CPSF7: variants seen among roughly 807,000 people sequenced by gnomAD.
CPSF7 encodes cleavage and polyadenylation specificity factor subunit 7.
In CPSF7, 1 loss-of-function variant was observed where a neutral mutation model predicts 44.3. The observed-to-expected ratio is 0.02, with a 90% CI of 0.01 to 0.11. CPSF7 has a LOEUF of 0.11. Among genes scored for constraint, CPSF7 ranks in the 10% least tolerant of loss-of-function variants. CPSF7 has a pLI of 1.00. For missense variants in CPSF7, 443 were observed against 607.2 expected (o/e 0.73, Z 2.84); for synonymous variants, 202 against 222.0 (o/e 0.91, Z 0.80).
intron 7 of CPSF7, among the ~76,000 whole-genome samples, chr11:61,412,257 T>C (rs949226033): frequency 8.5e-5 from 13 of 152,170 alleles, no homozygotes; most frequent in Non-Finnish European, 4.4e-5. Context: ...TTCACAAGTG[T>C]GTATGTTTAA....
rs373828067 is a variant in CPSF7, at chr11:61,419,986, C to G, written c.486G>C (p.Arg162=). 6.2e-7 allele frequency: 1 copy of G among 1,614,076 alleles called. No homozygotes were observed. The highest frequency in any genetic ancestry group is 1.3e-5 in the African/African-American group (1 of 74,930). Residue 162 remains arginine, a synonymous_variant, in exon 5 of 10, where the codon CGG becomes CGC. Coordinates refer to ENST00000439958, the MANE Select transcript of CPSF7 (RefSeq NM_001142565.3). ...GTGCCTCAAACTGTGACAGGTTCTG[C>G]CGGGTGGCCGGCCTCACGTCCACTT... ...GEKVDVRPAT[R]QNLSQFEAQA...
chr11:61,421,021 G>C (rs554026678), intron 3 of CPSF7: 25 of 1,175,736 alleles, frequency 2.1e-5, no homozygotes, highest in Non-Finnish European at 2.7e-5. Context: ...AAGTATACTA[G>C]AGTTATCAAG....
intron 7 of CPSF7, among the ~76,000 whole-genome samples, chr11:61,414,459 A>G (rs1002370766): frequency 3.9e-5 from 6 of 152,164 alleles, no homozygotes; most frequent in Non-Finnish European, 8.8e-5. Context: ...AAAAAAGACT[A>G]ATTTAGATGT....
chr11:61,419,482 C>T (rs1004821590), intron 5 of CPSF7, among the ~76,000 whole-genome samples: 4 of 152,148 alleles, frequency 2.6e-5, no homozygotes, highest in African/African-American at 9.7e-5. Context: ...TTCCAATCAA[C>T]GTTTATGAAA....
At chr11:61,422,841 G>A (rs553956568) in intron 2 of CPSF7, among the ~76,000 whole-genome samples, 1 of 152,134 alleles carries the variant, frequency 6.6e-6, no homozygotes, top group Admixed American at 6.5e-5. Context: ...TTAATGTTTA[G>A]GATTTTACAG....
Position 61,429,894 on chromosome 11 carries a change from C to T in CPSF7, c.-56+20G>A, listed in dbSNP as rs1180352663. The T allele has an allele frequency of 1.3e-6, 2 of 1,514,892 alleles. No individual in the cohort carries two copies. The highest frequency in any genetic ancestry group is 1.8e-6 in the Non-Finnish European group (2 of 1,129,534). The allele number at this position is 1,514,892 out of a possible 1,614,324, so 93.8% of individuals were successfully genotyped here. ...CCCCTCTTCCGGCCCAACCTGCCCC[C>T]GACCGCGCGCCCCCGTTACCGGGAA... On this transcript the variant is annotated intron_variant, in intron 1 of 9. Coordinates refer to ENST00000439958, the MANE Select transcript of CPSF7 (RefSeq NM_001142565.3).
intron 5 of CPSF7, 127 bp from the exon 6 acceptor site, chr11:61,416,646 T>C: frequency 1.1e-6 from 1 of 946,950 alleles, no homozygotes; most frequent in South Asian, 1.6e-5. Context: ...GAAGGTAAAA[T>C]CATCTACTGC....
At chr11:61,420,955 C>A in intron 3 of CPSF7, 1 of 700,188 alleles carries the variant, frequency 1.4e-6, no homozygotes, top group Non-Finnish European at 2.3e-6. Context: ...CCACCCCCAC[C>A]ACCAGCCCCA....
In CPSF7 at chr11:61,429,247, G is replaced by A. The variant is rs1163519655; in HGVS notation, c.-12C>T. On this transcript the variant is annotated 5_prime_UTR_variant, in exon 2 of 10. Transcript: ENST00000439958. ...ACTCCTTCTGACATGGCTCCGGAAG[G>A]AAGATCGCGAGTCCGGAGGATGGAC... The A allele has an allele frequency of 5.0e-6, 8 of 1,613,612 alleles. No homozygotes were observed. The highest frequency in any genetic ancestry group is 1.1e-5 in the South Asian group (1 of 91,068).
At chr11:61,422,317 CTTTT>C (rs768474632) in intron 2 of CPSF7, among the ~76,000 whole-genome samples, 1 of 144,432 alleles carries the variant, frequency 6.9e-6, no homozygotes, top group Non-Finnish European at 1.5e-5. Context: ...ATCTAGGAGA[CTTTT>C]TTTTTTTTTT....
At chr11:61,415,643 A>G in intron 7 of CPSF7, 23 bp downstream of exon 7, 1 of 1,443,938 alleles carries the variant, frequency 6.9e-7, no homozygotes, top group Non-Finnish European at 9.7e-7. Context: ...AGGAGAAGGC[A>G]GCAAAGGTAA....
chr11:61,416,413 G>A lies in CPSF7; in HGVS notation c.630C>T (p.Pro210=), dbSNP rs548830763. Residue 210 remains proline, a synonymous_variant, in exon 6 of 10, where the codon CCC becomes CCT. Transcript: ENST00000439958. ...VPSSARVDKP[P]SVLPYFNRPP... ...GACGATTGAAGTAGGGCAGCACACT[G>A]GGGGGCTTATCCACACGAGCAGATG... The A allele has an allele frequency of 1.2e-6, 2 of 1,613,828 alleles. No homozygotes were observed. The highest frequency in any genetic ancestry group is 1.1e-5 in the South Asian group (1 of 91,060).
At chr11:61,428,104 G>A (rs767359627) in intron 2 of CPSF7, among the ~76,000 whole-genome samples, 5 of 152,184 alleles carry the variant, frequency 3.3e-5, no homozygotes, top group Non-Finnish European at 5.9e-5. Context: ...GTTTTCAATA[G>A]AAATTTTGGA....
At chr11:61,429,866 G>A (rs555076769) in intron 1 of CPSF7, 48 bp downstream of exon 1, 16 of 1,537,330 alleles carry the variant, frequency 1.0e-5, no homozygotes, top group Middle Eastern at 1.7e-4. Flanking sequence ...GTGCCGGCCC[G>A]GACCCCTCTT....
intron 3 of CPSF7, chr11:61,420,888 G>T: frequency 2.0e-6 from 1 of 495,442 alleles, no homozygotes; most frequent in Non-Finnish European, 3.7e-6. Context: ...TGTCAGGCTA[G>T]AGTTGACCAT....
intron 2 of CPSF7, chr11:61,427,109 A>G (rs1359834083): frequency 6.6e-6 from 1 of 151,784 alleles, no homozygotes; most frequent in Admixed American, 6.6e-5. Context: ...TAATCTGCAA[A>G]AAGTCTGAAC....
intron 1 of CPSF7, 146 bp downstream of exon 1, chr11:61,429,768 C>T: frequency 6.5e-7 from 1 of 1,547,016 alleles, no homozygotes; most frequent in Admixed American, 2.0e-5. Context: ...CGGCCCGGCG[C>T]GCTCTGCCTC....
chr11:61,429,875 T>C, intron 1 of CPSF7, 39 bp downstream of exon 1: 1 of 1,532,896 alleles, frequency 6.5e-7, no homozygotes. Context: ...CGGACCCCTC[T>C]TCCGGCCCAA....
chr11:61,410,554 T>C lies in CPSF7; in HGVS notation c.*5+384A>G, dbSNP rs182229130. On this transcript the variant is annotated intron_variant, in intron 9 of 9. Coordinates refer to ENST00000439958, the MANE Select transcript of CPSF7 (RefSeq NM_001142565.3). ...TACCATGAGTGCTAAATGGTCTACA[T>C]GGACTCTCTCACTAAAACTTAGCAA... 688 of 164,910 alleles carry C rather than the reference T, an allele frequency of 4.2e-3. 3 individuals are homozygous for C. The highest frequency in any genetic ancestry group is 7.0e-3 in the Admixed American group (117 of 16,640). The allele number at this position is 164,910 out of a possible 1,614,324, so 10.2% of individuals were successfully genotyped here.
Sources: gnomAD v4.1 joint callset for allele counts (sites outside exome capture counted in the v4.1 genomes callset) on GRCh38, gnomAD v4.1.1 for gene constraint, MANE v1.5 for transcripts, NCBI Gene and HGNC (gene_info 2026-07-23, HGNC 2026-07-21) for gene names.